The following GARNL3 variants were observed in gnomAD, a reference collection of about 807,000 sequenced individuals.
GARNL3 encodes GTPase activating Rap/RanGAP domain like 3.
In GARNL3, 63 loss-of-function variants were observed where a neutral mutation model predicts 125.0. The ratio of observed to expected loss-of-function variants is 0.50; its 90% confidence interval spans 0.41 to 0.62. The LOEUF is 0.62. Among genes scored for constraint, GARNL3 ranks in the 20% least tolerant of loss-of-function variants. The pLI is 0.00. For synonymous variants in GARNL3, 439 were observed against 457.5 expected (o/e 0.96, Z 0.52); for missense variants, 994 against 1,244.0 (o/e 0.80, Z 3.02).
At position 127,390,675 on chromosome 9, in the gene GARNL3, A is replaced by T. The variant is rs771076229; in HGVS notation, c.2778A>T (p.Gly926=). ...LSDEGGPKSE[G]APKAKSKPRK... is the part of the protein sequence containing the mutation. The stretch of plus-strand genomic sequence containing the variant: ...ATGAAGGTGGACCCAAGTCAGAAGG[A>T]GCGCCAAAGGCCAAATCAAAACCCC... The change falls in exon 27 of 28, where the codon GGA becomes GGT. Residue 926 remains glycine, a synonymous_variant. Transcript: ENST00000373387. 2 of 1,614,026 alleles carry T rather than the reference A, an allele frequency of 1.2e-6. No homozygotes were observed. Among genetic ancestry groups the T allele is most frequent in the Non-Finnish European group, 1.7e-6 (2 of 1,179,902 alleles).
At chr9:127,265,192 A>G (rs2063677345) in intron 1 of GARNL3, among the ~76,000 whole-genome samples, 171 bp downstream of exon 1, 1 of 152,154 alleles carries the variant, frequency 6.6e-6, no homozygotes, top group African/African-American at 2.4e-5. Context: ...GATCTTCTTT[A>G]TCTATTTGTT....
intron 2 of GARNL3, among the ~76,000 whole-genome samples, chr9:127,292,628 C>T (rs886983124): frequency 4.6e-5 from 7 of 152,238 alleles, no homozygotes; most frequent in African/African-American, 1.7e-4. Context: ...GTAAGCACAA[C>T]TCTGGCCCCT....
chr9:127,286,204 G>A (rs1038279041), intron 1 of GARNL3, among the ~76,000 whole-genome samples: 2 of 152,204 alleles, frequency 1.3e-5, no homozygotes, highest in African/African-American at 4.8e-5. Context: ...GAATAACAAA[G>A]GGCTGGATGC....
chr9:127,354,497 G>A (rs1830583348), intron 19 of GARNL3, 87 bp downstream of exon 19: 3 of 752,878 alleles, frequency 4.0e-6, no homozygotes, highest in South Asian at 1.8e-5. Context: ...AAAATGAGTA[G>A]GAATTTGATC....
intron 22 of GARNL3, among the ~76,000 whole-genome samples, chr9:127,382,999 T>C (rs981434070): frequency 6.6e-6 from 1 of 152,212 alleles, no homozygotes; most frequent in African/African-American, 2.4e-5. Context: ...CAGTAGGGCA[T>C]AGGCATTCAG....
chr9:127,377,149 AT>A (rs1249247214), intron 22 of GARNL3, among the ~76,000 whole-genome samples: 1 of 152,244 alleles, frequency 6.6e-6, no homozygotes, highest in African/African-American at 2.4e-5. Flanking sequence ...TAACATTATA[AT>A]TTATTGCAAA....
At chr9:127,281,888 A>G (rs903448295) in intron 1 of GARNL3, among the ~76,000 whole-genome samples, 14 of 152,240 alleles carry the variant, frequency 9.2e-5, no homozygotes, top group African/African-American at 3.4e-4. Flanking sequence ...GGTCAAATGG[A>G]TCTGCTTTCT....
chr9:127,391,509 C>G (rs1389310468), intron 27 of GARNL3, among the ~76,000 whole-genome samples: 9 of 74,212 alleles, frequency 1.2e-4, no homozygotes, highest in African/African-American at 3.5e-4. Context: ...GGCAACACAG[C>G]AAGACCCATC....
intron 21 of GARNL3, chr9:127,363,225 C>T (rs1323780641): frequency 6.6e-6 from 1 of 152,294 alleles, no homozygotes; most frequent in African/African-American, 2.4e-5. Context: ...TTGGATTTGA[C>T]AACCCCCGGG....
At chr9:127,292,548 G>C (rs1438882143) in intron 2 of GARNL3, among the ~76,000 whole-genome samples, 3 of 152,202 alleles carry the variant, frequency 2.0e-5, no homozygotes, top group Admixed American at 6.5e-5. Context: ...ACATCTTTCT[G>C]CTACCAAAAT....
At chr9:127,291,569 G>A (rs1322753268) in intron 2 of GARNL3, among the ~76,000 whole-genome samples, 2 of 152,084 alleles carry the variant, frequency 1.3e-5, no homozygotes, top group East Asian at 1.9e-4. Context: ...ACAGCCATCC[G>A]AGCAGTGCCA....
intron 2 of GARNL3, among the ~76,000 whole-genome samples, chr9:127,245,894 A>C (rs1216080571): frequency 6.6e-6 from 1 of 151,174 alleles, no homozygotes. Context: ...ACCTCAGCGC[A>C]CTCAGGAGTG....
upstream of GARNL3, chr9:127,264,142 A>C (rs1427930717): frequency 7.1e-6 from 4 of 565,350 alleles, no homozygotes; most frequent in Non-Finnish European, 1.2e-5. Flanking sequence ...AAAACTGTTT[A>C]TATTTTGTGG....
Position 127,313,364 on chromosome 9 carries a change from C to A in GARNL3, c.320-77C>A, listed in dbSNP as rs1036179647. On this transcript the variant is annotated intron_variant, in intron 3 of 27. Transcript: ENST00000373387. Reference sequence around the variant, plus strand: ...CTGAGCATGTGGGAAGGGCTGGACACCACCTGCAGTGTCCTCTACCATCTG... The same window carrying A: ...CTGAGCATGTGGGAAGGGCTGGACAACACCTGCAGTGTCCTCTACCATCTG... 1.5e-5 allele frequency: 15 copies of A among 1,000,852 alleles called. No homozygotes were observed. The Middle Eastern group carries it at 6.2e-4, about 41-fold the overall frequency. The allele number at this position is 1,000,852 out of a possible 1,614,324, so 62.0% of individuals were successfully genotyped here.
chr9:127,280,791 T>G lies in GARNL3; in HGVS notation c.145-10377T>G, dbSNP rs1406950761. On this transcript the variant is annotated intron_variant, in intron 1 of 27. Coordinates refer to ENST00000373387, the MANE Select transcript of GARNL3 (RefSeq NM_032293.5). This position sits in a 1 kb window ranked among gnomAD's most constrained non-coding sequence, Gnocchi z 4.5. ...GTATATTTTGAGCTGGAAAGCTACATGACAGTGCTTATCCTGAATTGCCTC... is the reference window on the plus strand; with the variant it reads ...GTATATTTTGAGCTGGAAAGCTACAGGACAGTGCTTATCCTGAATTGCCTC... Among the ~76,000 whole-genome samples, 2 of 152,186 alleles carry G rather than the reference T, an allele frequency of 1.3e-5. No individual in the cohort carries two copies. The highest frequency in any genetic ancestry group is 2.9e-5 in the Non-Finnish European group (2 of 68,042).
Position 127,272,143 on chromosome 9 carries a change from ATT to A in GARNL3, c.144+7126_144+7127del, listed in dbSNP as rs372776054. On this transcript the variant is annotated intron_variant, in intron 1 of 27. Transcript: ENST00000373387. ...GAAGTCTTGATATGTAGTAATTTGTATTTTTGTTCAGGCACAGATTGGATTTA... is the reference window on the plus strand; with the variant it reads ...GAAGTCTTGATATGTAGTAATTTGTATTTGTTCAGGCACAGATTGGATTTA... Among the ~76,000 whole-genome samples, 475 of 150,146 alleles carry A rather than the reference ATT, an allele frequency of 3.2e-3. 58 individuals are homozygous for A. Among genetic ancestry groups the A allele is most frequent in the African/African-American group, 0.012 (455 of 39,518 alleles).
chr9:127,354,066 C>T, intron 18 of GARNL3, 122 bp downstream of exon 18: 2 of 749,150 alleles, frequency 2.7e-6, no homozygotes, highest in Non-Finnish European at 4.6e-6. Context: ...TTTCCTGATG[C>T]TCAGTGCTTG....
chr9:127,289,376 T>A (rs997402860), intron 1 of GARNL3, among the ~76,000 whole-genome samples: 1 of 152,184 alleles, frequency 6.6e-6, no homozygotes, highest in Non-Finnish European at 1.5e-5. Flanking sequence ...GGATACACAT[T>A]AAGATTAGCC....
chr9:127,300,085 C>T, intron 2 of GARNL3: 1 of 316,014 alleles, frequency 3.2e-6, no homozygotes. Flanking sequence ...GACAGATTTT[C>T]AAAATCACTT....
Sources: allele counts gnomAD v4.1 joint callset (sites outside exome capture counted in the v4.1 genomes callset), GRCh38; gene constraint gnomAD v4.1.1; non-coding constraint Gnocchi (gnomAD v3.1); transcripts MANE v1.5; gene names NCBI Gene and HGNC (gene_info 2026-07-23, HGNC 2026-07-21).